RESP18: variants seen among roughly 807,000 people sequenced by gnomAD.
RESP18 encodes the protein regulated endocrine specific protein 18.
RESP18 carries 30 observed loss-of-function variants against 30.0 expected under a neutral mutation model. That is an observed-to-expected ratio of 1.00 (90% confidence interval 0.75 to 1.36). The LOEUF is 1.36. RESP18 is among the 40% of genes most tolerant of loss of function. The probability of loss-of-function intolerance (pLI) is 0.00; values close to 1 mark genes in which losing one functional copy is unlikely to be tolerated. For synonymous variants in RESP18, 117 were observed against 111.2 expected, an observed-to-expected ratio of 1.05 and a Z score of -0.33; for missense variants, 320 against 284.2, an observed-to-expected ratio of 1.13 and a Z score of -0.91.
In RESP18 at chr2:219,329,710, T is replaced by C. The variant is rs1425835669; in HGVS notation, c.392A>G (p.His131Arg). ...TTCTTGGGGATGCAGTCTGCTGGCA[T>C]GCTCCATCTTTTGGATCATTGCATC... The change falls in exon 4 of 7, where the codon CAT becomes CGT. Residue 131 changes from histidine to arginine, a missense_variant. Transcript: ENST00000333527. 1 of 1,551,676 alleles carries C rather than the reference T, an allele frequency of 6.4e-7. No individual in the cohort carries two copies. The highest frequency in any genetic ancestry group is 2.4e-5 in the East Asian group (1 of 40,922).
intron 3 of RESP18, 47 bp from the exon 3 acceptor site, chr2:219,329,811 G>A: frequency 4.0e-6 from 6 of 1,482,444 alleles, no homozygotes; most frequent in Non-Finnish European, 4.6e-6. Flanking sequence ...GAGACACTCG[G>A]ATCCACTCCA....
intron 1 of RESP18, 109 bp from the exon 1 acceptor site, chr2:219,332,853 C>A: frequency 1.1e-6 from 1 of 899,944 alleles, no homozygotes; most frequent in Non-Finnish European, 1.6e-6. Flanking sequence ...AATTCCTGAC[C>A]CGGCTCCTTT....
intron 2 of RESP18, among the ~76,000 whole-genome samples, chr2:219,332,225 T>C (rs1211994140): frequency 6.6e-6 from 1 of 152,186 alleles, no homozygotes; most frequent in Non-Finnish European, 1.5e-5. Flanking sequence ...TGGCCTTTCT[T>C]GCTTCTCCTG....
Position 219,329,021 on chromosome 2 carries a change from G to A in RESP18, c.556-13C>T. On this transcript the variant is annotated splice_polypyrimidine_tract_variant and intron_variant, in intron 5 of 6. Coordinates refer to ENST00000333527, the MANE Select transcript of RESP18 (RefSeq NM_001007089.4). ...ACCTATAGGTAATCTGAGAGATACA[G>A]GAAATTAGAAGTACCTTTGATTAGG... The A allele has an allele frequency of 6.5e-7, 1 of 1,543,646 alleles. No individual in the cohort carries two copies. The highest frequency in any genetic ancestry group is 2.0e-5 in the Admixed American group (1 of 50,940).
At position 219,329,521 on chromosome 2, in the gene RESP18, T is replaced by C. The variant is rs1048604749; in HGVS notation, c.465+116A>G. ...TTCTCTGCTGATTCCAAACAGGACC[T>C]CTGAATTCTCACAGTGCTCCTGGCA... On this transcript the variant is annotated intron_variant, in intron 4 of 6. Transcript: ENST00000333527. 99 of 1,428,492 alleles carry C rather than the reference T, an allele frequency of 6.9e-5. No homozygotes were observed. The East Asian group carries it at 1.9e-3, about 28-fold the overall frequency. The allele number at this position is 1,428,492 out of a possible 1,614,324, so 88.5% of individuals were successfully genotyped here.
chr2:219,332,421 TTC>T, intron 2 of RESP18, 101 bp downstream of exon 1: 1 of 823,242 alleles, frequency 1.2e-6, no homozygotes, highest in South Asian at 1.7e-5. Context: ...CTTAAGCACA[TTC>T]TTTTACTTCC....
At chr2:219,328,477 C>T (rs1216535203) in intron 6 of RESP18, among the ~76,000 whole-genome samples, 1 of 151,886 alleles carries the variant, frequency 6.6e-6, no homozygotes, top group African/African-American at 2.4e-5. Context: ...GTGGAGGAGT[C>T]TGATGTTTGG....
At chr2:219,332,844 A>G (rs531080453) in intron 1 of RESP18, 100 bp from the exon 1 acceptor site, 4 of 948,832 alleles carry the variant, frequency 4.2e-6, no homozygotes, top group Non-Finnish European at 6.1e-6. Context: ...ATCTCTTGGA[A>G]TTCCTGACCC....
At chr2:219,331,736 C>A (rs962366114) in intron 2 of RESP18, among the ~76,000 whole-genome samples, 1 of 152,118 alleles carries the variant, frequency 6.6e-6, no homozygotes, top group African/African-American at 2.4e-5. Context: ...GGACCCGGAG[C>A]GCGCCTGGCG....
chr2:219,333,114 TAATATTA>T (rs1157280567), intron 1 of RESP18: 4 of 812,582 alleles, frequency 4.9e-6, no homozygotes, highest in Non-Finnish European at 6.2e-6. Flanking sequence ...TATATATATA[TAATATTA>T]TATATTATAT....
intron 5 of RESP18, 44 bp from the exon 5 acceptor site, chr2:219,329,052 A>G (rs1952802786): frequency 6.6e-7 from 1 of 1,508,576 alleles, no homozygotes. Flanking sequence ...TTAGGAATGG[A>G]AAAATCTTTT....
At chr2:219,329,502 G>C in intron 4 of RESP18, 135 bp downstream of exon 3, 2 of 1,538,644 alleles carry the variant, frequency 1.3e-6, no homozygotes, top group Non-Finnish European at 1.7e-6. Context: ...ATTCTTCTCT[G>C]CTGATTCCAA....
intron 1 of RESP18, 83 bp from the exon 1 acceptor site, chr2:219,332,827 C>A: frequency 8.5e-6 from 9 of 1,055,624 alleles, no homozygotes; most frequent in Non-Finnish European, 1.2e-5. Context: ...ACCGCCTCCC[C>A]ACCCTCATCT....
At chr2:219,328,452 A>C (rs78824495) in intron 6 of RESP18, among the ~76,000 whole-genome samples, 1 of 145,878 alleles carries the variant, frequency 6.9e-6, no homozygotes, top group African/African-American at 2.6e-5. Flanking sequence ...AAAAAAAAAA[A>C]CCTCTTTTTT....
rs998814861 is a variant in RESP18 at position 219,332,579 on chromosome 2, G to A, written c.177C>T (p.Val59=). The change falls in exon 2 of 7, where the codon GTC becomes GTT. Residue 59 remains valine (V), a synonymous_variant. Coordinates refer to ENST00000333527, the MANE Select transcript of RESP18 (RefSeq NM_001007089.4). ...GGCAGCTGTTCAGCAGCAGGAAGCA[G>A]ACAAGCAGCTGGAGCCCCTCGGAGC... 28 of 1,551,350 alleles carry A rather than the reference G, an allele frequency of 1.8e-5. No homozygotes were observed. The African/African-American group carries it at 3.1e-4, about 17-fold the overall frequency.
chr2:219,332,741 G>A lies in RESP18; in HGVS notation c.18-3C>T. The stretch of plus-strand genomic sequence containing the variant: ...CCCACCAGCCCGCGACTCCGAATCT[G>A]TTTAACCCTCCTCGGCAGTTCAGCC... On this transcript the variant is annotated splice_region_variant and splice_polypyrimidine_tract_variant and intron_variant, in intron 1 of 6. Coordinates refer to ENST00000333527, the MANE Select transcript of RESP18 (RefSeq NM_001007089.4). 6.5e-7 allele frequency: 1 copy of A among 1,538,786 alleles called. No homozygotes were observed. Among genetic ancestry groups the A allele is most frequent in the Non-Finnish European group, 8.8e-7 (1 of 1,138,822 alleles).
chr2:219,331,126 C>G, intron 2 of RESP18: 1 of 399,988 alleles, frequency 2.5e-6, no homozygotes, highest in Non-Finnish European at 4.5e-6. Flanking sequence ...CAAAGAGCAG[C>G]CTGTAGAAGT....
chr2:219,328,453 CCT>C (rs1952795504), intron 6 of RESP18, among the ~76,000 whole-genome samples: 2 of 151,736 alleles, frequency 1.3e-5, no homozygotes, highest in Admixed American at 6.6e-5. Context: ...AAAAAAAAAA[CCT>C]CTTTTTTCAG....
At chr2:219,331,446 G>GT (rs1029986580) in intron 2 of RESP18, among the ~76,000 whole-genome samples, 4 of 152,140 alleles carry the variant, frequency 2.6e-5, no homozygotes, top group Non-Finnish European at 4.4e-5. Flanking sequence ...AGGACAGTCT[G>GT]TTTTTTGCTA....
Sources: allele counts gnomAD v4.1 joint callset (sites outside exome capture counted in the v4.1 genomes callset), GRCh38; gene constraint gnomAD v4.1.1; transcripts MANE v1.5; gene names NCBI Gene and HGNC (gene_info 2026-07-23, HGNC 2026-07-21).